Variants in KNG1 observed in about 807,000 individuals in gnomAD.
KNG1 encodes kininogen 1.
A neutral mutation model predicts 47.8 loss-of-function variants in KNG1; 23 were observed. The observed-to-expected ratio is 0.48, with a 90% CI of 0.35 to 0.68. KNG1 has a LOEUF of 0.68. KNG1 is among the 30% of genes least tolerant of loss of function. KNG1 has a pLI of 0.01. For synonymous variants in KNG1, 277 were observed against 277.0 expected (o/e 1.00, Z 0.00); for missense variants, 762 against 790.2 (o/e 0.96, Z 0.43).
chr3:186,742,058 A>G lies in KNG1; in HGVS notation c.1662A>G (p.Pro554=). The G allele has an allele frequency of 6.2e-7, 1 of 1,613,956 alleles. No individual in the cohort carries two copies. The highest frequency in any genetic ancestry group is 1.7e-5 in the Admixed American group (1 of 60,010). Residue 554 remains proline (P), a synonymous_variant, in exon 10 of 10, where the codon CCA becomes CCG. Transcript: ENST00000644859. ...CACCCATCCCTTCCCTAGCCAAGCCAGGTGTAACAGTTACCTTTTCTGACT... is the reference window on the plus strand; with the variant it reads ...CACCCATCCCTTCCCTAGCCAAGCCGGGTGTAACAGTTACCTTTTCTGACT... ...GPTPIPSLAK[P]GVTVTFSDFQ...
Position 186,742,300 on chromosome 3 carries a change from A to G in KNG1, c.1904A>G (p.Tyr635Cys). The G allele has an allele frequency of 6.2e-7, 1 of 1,614,154 alleles. No individual in the cohort carries two copies. The highest frequency in any genetic ancestry group is 1.1e-5 in the South Asian group (1 of 91,086). ...CCAACCACACAAATGAAAGAATCTT[A>G]TTATTTCGATCTCACTGATGGCCTT... is the stretch of plus-strand genomic sequence containing the variant. ...INPTTQMKESYYFDLTDGLS is the reference protein window; with the variant it reads ...INPTTQMKESCYFDLTDGLS Residue 635 changes from tyrosine (Y) to cysteine (C), a missense_variant, in exon 10 of 10, where the codon TAT becomes TGT. Physicochemically the swap from Tyr to Cys is radical, Grantham distance 194 (BLOSUM62 -2). Transcript: ENST00000644859.
At chr3:186,719,017 T>A (rs1208781502) in intron 1 of KNG1, among the ~76,000 whole-genome samples, 1 of 151,700 alleles carries the variant, frequency 6.6e-6, no homozygotes, top group Non-Finnish European at 1.5e-5. Flanking sequence ...AAACTAGCCA[T>A]GTGACAACAT....
Position 186,741,615 on chromosome 3 carries a change from A to G in KNG1, c.1219A>G (p.Thr407Ala). 4 of 1,613,356 alleles carry G rather than the reference A, an allele frequency of 2.5e-6. No individual in the cohort carries two copies. Among genetic ancestry groups the G allele is most frequent in the South Asian group, 2.2e-5 (2 of 90,894 alleles). Residue 407 changes from threonine to alanine, a missense_variant, in exon 10 of 10, where the codon ACT (threonine) becomes GCT (alanine). By Grantham distance (58) the Thr-to-Ala change is moderately conservative. Coordinates refer to ENST00000644859, the MANE Select transcript of KNG1 (RefSeq NM_001102416.3). ...KEETTVSPPH[T>A]SMAPAQDEER... ...AGAAACAACTGTAAGTCCACCCCAC[A>G]CTTCCATGGCACCTGCACAAGATGA...
chr3:186,740,346 T>G (rs1720775589), intron 9 of KNG1, among the ~76,000 whole-genome samples: 1 of 152,148 alleles, frequency 6.6e-6, no homozygotes, highest in African/African-American at 2.4e-5. Flanking sequence ...CATTTTCGAG[T>G]CCTCCTTATA....
Position 186,717,630 on chromosome 3 carries a change from G to A in KNG1, c.88G>A (p.Asp30Asn). 6.2e-7 allele frequency: 1 copy of A among 1,613,084 alleles called. No homozygotes were observed. Among genetic ancestry groups the A allele is most frequent in the Non-Finnish European group, 8.5e-7 (1 of 1,179,518 alleles). The change falls in exon 1 of 10, where the codon GAC (aspartate) becomes AAC (asparagine). Residue 30 changes from aspartate to asparagine, a missense_variant. Transcript: ENST00000644859. Reference protein sequence around the residue: ...ESQSEEIDCNDKDLFKAVDAA... With the variant: ...ESQSEEIDCNNKDLFKAVDAA... ...ACAGTCCGAGGAAATTGACTGCAATGACAAGGATTTATTTAAAGCTGTGGA... is the reference window on the plus strand; with the variant it reads ...ACAGTCCGAGGAAATTGACTGCAATAACAAGGATTTATTTAAAGCTGTGGA...
intron 1 of KNG1, among the ~76,000 whole-genome samples, chr3:186,719,720 C>T (rs1720131625): frequency 7.1e-6 from 1 of 141,112 alleles, no homozygotes; most frequent in South Asian, 2.4e-4. Flanking sequence ...CAGAGCGAGA[C>T]TCCATCTCAA....
At chr3:186,724,631 A>T (rs1244199025) in intron 3 of KNG1, among the ~76,000 whole-genome samples, 1 of 151,476 alleles carries the variant, frequency 6.6e-6, no homozygotes, top group Non-Finnish European at 1.5e-5. Flanking sequence ...AGTTGATTGA[A>T]TTCCTTGTAT....
chr3:186,741,841 A>G lies in KNG1; in HGVS notation c.1445A>G (p.Asp482Gly). The G allele has an allele frequency of 6.2e-7, 1 of 1,613,800 alleles. No homozygotes were observed. Among genetic ancestry groups the G allele is most frequent in the Non-Finnish European group, 8.5e-7 (1 of 1,179,784 alleles). The change falls in exon 10 of 10, where the codon GAT becomes GGT. Residue 482 changes from aspartate to glycine, a missense_variant. Asp to Gly is a moderately conservative substitution (Grantham distance 94, BLOSUM62 -1). Transcript: ENST00000644859. ...GHGHKFKLDDDLEHQGGHVLD... is the reference protein window; with the variant it reads ...GHGHKFKLDDGLEHQGGHVLD... ...GGACATAAGTTCAAACTTGATGATG[A>G]TCTTGAACACCAAGGGGGCCATGTC...
At position 186,743,879 on chromosome 3, in the gene KNG1, T is replaced by C; in HGVS notation, c.*1548T>C. 2 of 883,802 alleles carry C rather than the reference T, an allele frequency of 2.3e-6. No homozygotes were observed. The highest frequency in any genetic ancestry group is 1.4e-5 in the South Asian group (1 of 74,062). The allele number at this position is 883,802 out of a possible 1,614,324, so 54.7% of individuals were successfully genotyped here. A position where few individuals can be genotyped will look rare whatever the true frequency, so the allele number is the denominator to read the frequency against. ...GACAAGAAGAAAGATGGGATAGAAT[T>C]TAAATAGAGAAGAATGCCATTTTAT... On this transcript the variant is annotated 3_prime_UTR_variant, in exon 10 of 10. Coordinates refer to ENST00000644859, the MANE Select transcript of KNG1 (RefSeq NM_001102416.3).
At chr3:186,725,954 T>TG (rs35569041) in intron 4 of KNG1, among the ~76,000 whole-genome samples, 153 of 150,412 alleles carry the variant, frequency 1.0e-3, no homozygotes, top group African/African-American at 3.7e-3. Context: ...TTTTTTTTTT[T>TG]GACAGTCTCG....
chr3:186,717,869 ACCACCACCACCACAACCACCACCACCAC>A (rs1720036064), intron 1 of KNG1, 132 bp downstream of exon 1: 3 of 199,020 alleles, frequency 1.5e-5, no homozygotes, highest in Non-Finnish European at 1.7e-5. Context: ...ACCATCACCC[ACCACCACCACCACAACCACCACCACCAC>A]CCACCACCAC....
At position 186,727,255 on chromosome 3, in the gene KNG1, T is replaced by A; in HGVS notation, c.583T>A (p.Phe195Ile). 1.2e-6 allele frequency: 2 copies of A among 1,613,098 alleles called. No homozygotes were observed. The highest frequency in any genetic ancestry group is 2.2e-5 in the South Asian group (2 of 91,064). Residue 195 changes from phenylalanine to isoleucine, a missense_variant, in exon 5 of 10, where the codon TTT becomes ATT. Transcript: ENST00000644859. ...GTTTCAGGTGGTGGCTGGATTGAAC[T>A]TTCGAATTACCTACTCAATTGTGCA... ...AQRQVVAGLN[F>I]RITYSIVQTN...
At position 186,732,638 on chromosome 3, in the gene KNG1, T is replaced by C. The variant is rs1298509412; in HGVS notation, c.894T>C (p.Tyr298=). The C allele has an allele frequency of 2.5e-6, 4 of 1,614,108 alleles. No homozygotes were observed. The highest frequency in any genetic ancestry group is 3.4e-6 in the Non-Finnish European group (4 of 1,179,962). The change falls in exon 7 of 10, where the codon TAT becomes TAC. Residue 298 remains tyrosine, a synonymous_variant. Coordinates refer to ENST00000644859, the MANE Select transcript of KNG1 (RefSeq NM_001102416.3). ...KLNAENNATF[Y]FKIDNVKKAR... The stretch of plus-strand genomic sequence containing the variant: ...ATGCAGAGAATAACGCAACTTTCTA[T>C]TTCAAGATTGACAATGTGAAAAAAG...
chr3:186,741,684 G>T lies in KNG1; in HGVS notation c.1288G>T (p.Asp430Tyr). ...GKEQGHTRRH[D>Y]WGHEKQRKHN... ...AGAACAAGGGCATACTCGTAGACATGACTGGGGCCATGAAAAACAAAGAAA... is the reference window on the plus strand; with the variant it reads ...AGAACAAGGGCATACTCGTAGACATTACTGGGGCCATGAAAAACAAAGAAA... Residue 430 changes from aspartate (D) to tyrosine (Y), a missense_variant, in exon 10 of 10, where the codon GAC becomes TAC. Physicochemically the swap from Asp to Tyr is radical, Grantham distance 160. Transcript: ENST00000644859. 1 of 1,614,180 alleles carries T rather than the reference G, an allele frequency of 6.2e-7. No homozygotes were observed. Among genetic ancestry groups the T allele is most frequent in the Non-Finnish European group, 8.5e-7 (1 of 1,180,030 alleles).
At position 186,717,651 on chromosome 3, in the gene KNG1, G is replaced by A. The variant is rs1015089987; in HGVS notation, c.109G>A (p.Val37Met). The change falls in exon 1 of 10, where the codon GTG becomes ATG. Residue 37 changes from valine to methionine, a missense_variant. Transcript: ENST00000644859. ...CAATGACAAGGATTTATTTAAAGCTGTGGATGCTGCTCTGAAGAAATATAA... is the reference window on the plus strand; with the variant it reads ...CAATGACAAGGATTTATTTAAAGCTATGGATGCTGCTCTGAAGAAATATAA... ...DCNDKDLFKA[V>M]DAALKKYNSQ... The A allele has an allele frequency of 6.2e-7, 1 of 1,613,224 alleles. No individual in the cohort carries two copies. The highest frequency in any genetic ancestry group is 1.3e-5 in the African/African-American group (1 of 75,024).
At chr3:186,740,591 C>T (rs1720784754) in intron 9 of KNG1, among the ~76,000 whole-genome samples, 1 of 152,150 alleles carries the variant, frequency 6.6e-6, no homozygotes, top group Non-Finnish European at 1.5e-5. Flanking sequence ...ATCCACAGAT[C>T]GACATATTTG....
At chr3:186,719,272 C>T (rs1720114782) in intron 1 of KNG1, among the ~76,000 whole-genome samples, 1 of 151,970 alleles carries the variant, frequency 6.6e-6, no homozygotes, top group South Asian at 2.1e-4. Flanking sequence ...CTCAATAAAG[C>T]TGTTTAAAAA....
chr3:186,742,714 T>A lies in KNG1; in HGVS notation c.*383T>A. The stretch of plus-strand genomic sequence containing the variant: ...TAAACTGTGGCACTTGGTATTTGAA[T>A]GTGTGTGAAAATAAGGGAAGTCAAG... On this transcript the variant is annotated 3_prime_UTR_variant, in exon 10 of 10. Coordinates refer to ENST00000644859, the MANE Select transcript of KNG1 (RefSeq NM_001102416.3). The A allele has an allele frequency of 9.6e-7, 1 of 1,041,690 alleles. No homozygotes were observed. The highest frequency in any genetic ancestry group is 1.2e-6 in the Non-Finnish European group (1 of 865,108). 64.5% of individuals were successfully genotyped at this position (1,041,690 alleles called of 1,614,324 possible).
intron 2 of KNG1, among the ~76,000 whole-genome samples, chr3:186,721,040 C>G (rs1374019617): frequency 6.6e-6 from 1 of 152,106 alleles, no homozygotes; most frequent in East Asian, 1.9e-4. Context: ...CTGCCTGCCT[C>G]AGCCTCTCAA....
Sources: allele counts gnomAD v4.1 joint callset (sites outside exome capture counted in the v4.1 genomes callset), GRCh38; gene constraint gnomAD v4.1.1; transcripts MANE v1.5; gene names NCBI Gene and HGNC (gene_info 2026-07-23, HGNC 2026-07-21).